Variants in H2BC12 observed in about 807,000 individuals in gnomAD.
The protein encoded by H2BC12 is histone H2B type 1-K.
Under a neutral mutation model 6.3 loss-of-function variants are expected in H2BC12, and 6 were observed. The ratio of observed to expected loss-of-function variants is 0.95; its 90% CI spans 0.52 to 1.87. The LOEUF (loss-of-function observed/expected upper bound fraction) is 1.87, where lower values mean the gene tolerates loss of function less well. H2BC12 is among the 40% of genes most tolerant of loss of function. The pLI, the probability that H2BC12 is intolerant of heterozygous loss-of-function variation, is 0.01. For synonymous variants in H2BC12, 132 were observed against 78.5 expected (o/e 1.68, Z -3.60); for missense variants, 119 against 178.4 (o/e 0.67, Z 1.90).
At chr6:27,140,761 AT>A in the H2BC12 span, among the ~76,000 whole-genome samples, 1 of 152,018 alleles carries the variant, frequency 6.6e-6, no homozygotes, top group African/African-American at 2.4e-5. Flanking sequence ...CTATTTGGAG[AT>A]TTTCCCGCTT....
At chr6:27,144,102 T>C (rs1760039570), downstream of H2BC12, among the ~76,000 whole-genome samples, 1 of 152,164 alleles carries the variant, frequency 6.6e-6, no homozygotes, top group Admixed American at 6.6e-5. Context: ...AAGTAAGCTT[T>C]GCATCCATTT....
At chr6:27,143,461 T>C (rs879324651), downstream of H2BC12, among the ~76,000 whole-genome samples, 5 of 152,104 alleles carry the variant, frequency 3.3e-5, no homozygotes, top group Non-Finnish European at 7.3e-5. Flanking sequence ...AGTGACATGA[T>C]ATATTACAAT....
At chr6:27,139,975 T>TA in the H2BC12 span, 2 of 234,230 alleles carry the variant, frequency 8.5e-6, no homozygotes, top group Non-Finnish European at 1.8e-5. Flanking sequence ...GACCTTCAAA[T>TA]ACGTCTCAGG....
chr6:27,142,775 T>TAC (rs1760022491), downstream of H2BC12, among the ~76,000 whole-genome samples: 1 of 151,136 alleles, frequency 6.6e-6, no homozygotes, highest in Non-Finnish European at 1.5e-5. Context: ...CAGCTGGGAC[T>TAC]ACACTCATGT....
chr6:27,139,965 G>A, the H2BC12 span: 3 of 256,678 alleles, frequency 1.2e-5, no homozygotes, highest in African/African-American at 6.8e-5. Context: ...CTTCCCTCTG[G>A]ACCTTCAAAT....
At position 27,146,851 on chromosome 6, in the gene H2BC12, G is replaced by T; in HGVS notation, c.-53C>A. On this transcript the variant is annotated 5_prime_UTR_variant, in exon 1 of 1. Transcript: ENST00000356950. ...GAGCAGCAGATCGAGAAAACGGGAA[G>T]TAATGGGAGCAAGGTACCAGGAGTC... 1.3e-6 allele frequency: 2 copies of T among 1,596,680 alleles called. No homozygotes were observed. The highest frequency in any genetic ancestry group is 1.7e-6 in the Non-Finnish European group (2 of 1,172,164).
At chr6:27,139,431 C>T in the H2BC12 span, 3 of 1,614,216 alleles carry the variant, frequency 1.9e-6, no homozygotes, top group East Asian at 6.7e-5. Context: ...TTGCTCGCCG[C>T]GGCGGCGTGA....
downstream of H2BC12, chr6:27,146,348 A>G (rs187358353): frequency 1.2e-6 from 2 of 1,601,294 alleles, no homozygotes; most frequent in Admixed American, 3.4e-5. Context: ...TTACAGCTCT[A>G]ATATCGATAA....
chr6:27,146,050 G>A (rs1760072955), downstream of H2BC12, among the ~76,000 whole-genome samples: 2 of 152,214 alleles, frequency 1.3e-5, no homozygotes, highest in African/African-American at 4.8e-5. Flanking sequence ...AAGTACACGT[G>A]ACACAATAGG....
the H2BC12 span, among the ~76,000 whole-genome samples, chr6:27,140,613 T>C: frequency 3.4e-4 from 51 of 152,018 alleles, no homozygotes; most frequent in Admixed American, 9.2e-4. Flanking sequence ...ATATTCAACA[T>C]GAATAAAAAT....
chr6:27,139,635 C>T, the H2BC12 span: 2 of 1,592,802 alleles, frequency 1.3e-6, no homozygotes, highest in African/African-American at 2.7e-5. Flanking sequence ...CATTTTGAAG[C>T]CCAGTCATTC....
At chr6:27,139,335 G>A in the H2BC12 span, 2 of 1,612,882 alleles carry the variant, frequency 1.2e-6, no homozygotes, top group East Asian at 2.2e-5. Flanking sequence ...AAGGAGGTAA[G>A]GGCCTGGGGA....
At chr6:27,144,569 C>G (rs1760047452), downstream of H2BC12, among the ~76,000 whole-genome samples, 1 of 151,018 alleles carries the variant, frequency 6.6e-6, no homozygotes, top group Non-Finnish European at 1.5e-5. Flanking sequence ...ATGGCCACTT[C>G]CACCCAGTAT....
chr6:27,145,689 A>C (rs1451774615), downstream of H2BC12, among the ~76,000 whole-genome samples: 3 of 152,126 alleles, frequency 2.0e-5, no homozygotes, highest in Non-Finnish European at 4.4e-5. Context: ...CAAAAGGAAA[A>C]ATTACTGATT....
downstream of H2BC12, among the ~76,000 whole-genome samples, chr6:27,144,394 G>A (rs1307959181): frequency 2.7e-5 from 4 of 148,520 alleles, no homozygotes; most frequent in African/African-American, 5.0e-5. Flanking sequence ...CCTGGGAGGC[G>A]GAGGTTGCAG....
chr6:27,141,078 C>A, the H2BC12 span, among the ~76,000 whole-genome samples: 1 of 150,978 alleles, frequency 6.6e-6, no homozygotes, highest in East Asian at 1.9e-4. Context: ...AACATTTAGG[C>A]GGCTTATGTC....
At chr6:27,139,131 G>T in the H2BC12 span, 1 of 595,316 alleles carries the variant, frequency 1.7e-6, no homozygotes, top group South Asian at 2.7e-5. Flanking sequence ...AAAAAGGACT[G>T]AAGGAGAACA....
downstream of H2BC12, among the ~76,000 whole-genome samples, chr6:27,145,764 T>C (rs73739601): frequency 0.02 from 3,005 of 152,298 alleles, 102 homozygotes; most frequent in African/African-American, 0.063. Context: ...CCGTGATGAT[T>C]TCATGTTCCG....
the H2BC12 span, chr6:27,139,551 G>A: frequency 2.2e-5 from 36 of 1,613,998 alleles, no homozygotes; most frequent in Admixed American, 1.0e-4. Context: ...AGCGCAAGAC[G>A]GTCACCGCCA....
Sources: allele counts gnomAD v4.1 joint callset (sites outside exome capture counted in the v4.1 genomes callset), GRCh38; gene constraint gnomAD v4.1.1; transcripts MANE v1.5; gene names NCBI Gene and HGNC (gene_info 2026-07-23, HGNC 2026-07-21).